AUP1: variants seen among roughly 807,000 people sequenced by gnomAD.
AUP1 encodes AUP1 lipid droplet regulating VLDL assembly factor, also known as lipid droplet-regulating VLDL assembly factor AUP1.
A neutral mutation model predicts 51.8 loss-of-function variants in AUP1; 30 were observed. That is an observed-to-expected ratio of 0.58 (90% CI 0.43 to 0.79). AUP1 has a LOEUF of 0.79. Ranked by LOEUF, AUP1 falls within the 30% of genes least tolerant of loss-of-function variation. The pLI is 0.00. For missense variants in AUP1, 492 were observed against 517.1 expected (o/e 0.95, Z 0.47); for synonymous variants, 227 against 209.0 (o/e 1.09, Z -0.74).
In AUP1 at chr2:74,526,676, G is replaced by A; in HGVS notation, c.*124C>T. On this transcript the variant is annotated 3_prime_UTR_variant, in exon 12 of 12. Coordinates refer to ENST00000377526, the MANE Select transcript of AUP1 (RefSeq NM_181575.5). Reference sequence around the variant, plus strand: ...CTTGAATGAAAACCATGAATTTAATGTGACATTGGGGGAGCCTCATCCTTC... The same window carrying A: ...CTTGAATGAAAACCATGAATTTAATATGACATTGGGGGAGCCTCATCCTTC... 2.5e-6 allele frequency: 3 copies of A among 1,183,060 alleles called. No individual in the cohort carries two copies. The highest frequency in any genetic ancestry group is 1.2e-6 in the Non-Finnish European group (1 of 847,066). 73.3% of individuals were successfully genotyped at this position (1,183,060 alleles called of 1,614,324 possible).
chr2:74,528,087 C>T (rs924604418), intron 6 of AUP1, 81 bp from the exon 7 acceptor site: 10 of 1,544,498 alleles, frequency 6.5e-6, no homozygotes, highest in Non-Finnish European at 8.9e-6. Context: ...TACCTCTTTG[C>T]ATGGTGGGTG....
At chr2:74,529,062 G>A (rs773679185) in intron 3 of AUP1, 70 bp downstream of exon 3, 1 of 1,610,912 alleles carries the variant, frequency 6.2e-7, no homozygotes, top group Non-Finnish European at 8.5e-7. Context: ...AACGCGAGTG[G>A]GGACAGGGGG....
chr2:74,529,633 T>C lies in AUP1; in HGVS notation c.-4A>G. 6.4e-7 allele frequency: 1 copy of C among 1,564,222 alleles called. No homozygotes were observed. Among genetic ancestry groups the C allele is most frequent in the Non-Finnish European group, 8.6e-7 (1 of 1,156,176 alleles). ...CCGGCCCTGAGGGAAGCTCCATAAC[T>C]GCTGCTTCAGGAGCGCCCGGCCGTC... On this transcript the variant is annotated 5_prime_UTR_variant, in exon 1 of 12. Transcript: ENST00000377526.
In AUP1 at chr2:74,527,190, A is replaced by T. The variant is rs565402906; in HGVS notation, c.1077+58T>A. Reference sequence around the variant, plus strand: ...AAAGAAAGGTCAGGGATAAGGGAGTACATAGCCTGCCCCCAACTCACCCCA... The same window carrying T: ...AAAGAAAGGTCAGGGATAAGGGAGTTCATAGCCTGCCCCCAACTCACCCCA... On this transcript the variant is annotated intron_variant, in intron 10 of 11. Transcript: ENST00000377526. 2.0e-4 allele frequency: 319 copies of T among 1,599,808 alleles called. No homozygotes were observed. The African/African-American group carries it at 4.0e-3, about 20-fold the overall frequency.
At chr2:74,528,220 G>A (rs1675292866) in intron 6 of AUP1, 28 bp downstream of exon 6, 3 of 1,603,830 alleles carry the variant, frequency 1.9e-6, no homozygotes, top group African/African-American at 1.3e-5. Context: ...CCTCTCCCCA[G>A]CGACCAAAAT....
At chr2:74,529,556 G>A (rs1190996047) in intron 1 of AUP1, 24 bp downstream of exon 1, 9 of 1,553,522 alleles carry the variant, frequency 5.8e-6, no homozygotes, top group Non-Finnish European at 7.9e-6. Context: ...GCGGGGATCG[G>A]TCTCTTCCCG....
Position 74,526,826 on chromosome 2 carries a change from C to G in AUP1, c.1207G>C (p.Glu403Gln). The G allele has an allele frequency of 6.4e-7, 1 of 1,557,576 alleles. No homozygotes were observed. Among genetic ancestry groups the G allele is most frequent in the Non-Finnish European group, 8.7e-7 (1 of 1,149,608 alleles). ...LYEYARRRFT[E>Q]RRAQEAD is the part of the protein sequence containing the mutation. ...CAGTCAGCCTCCTGGGCTCGTCTCTCTGTGAATCTCCTGTGGGACATAGGG... is the reference window on the plus strand; with the variant it reads ...CAGTCAGCCTCCTGGGCTCGTCTCTGTGTGAATCTCCTGTGGGACATAGGG... The change falls in exon 12 of 12, where the codon GAG (glutamate) becomes CAG (glutamine). Residue 403 changes from glutamate (E) to glutamine (Q), a missense_variant. By Grantham distance (29) the Glu-to-Gln change is conservative. Coordinates refer to ENST00000377526, the MANE Select transcript of AUP1 (RefSeq NM_181575.5).
intron 4 of AUP1, 123 bp downstream of exon 4, chr2:74,528,628 T>A: frequency 1.4e-6 from 2 of 1,402,472 alleles, no homozygotes; most frequent in Non-Finnish European, 2.0e-6. Context: ...GAACTTAAAG[T>A]GGACAGAAAG....
chr2:74,528,498 G>A lies in AUP1; in HGVS notation c.525-9C>T. 1 of 1,610,786 alleles carries A rather than the reference G, an allele frequency of 6.2e-7. No homozygotes were observed. Among genetic ancestry groups the A allele is most frequent in the Non-Finnish European group, 8.5e-7 (1 of 1,177,456 alleles). On this transcript the variant is annotated splice_polypyrimidine_tract_variant and intron_variant, in intron 4 of 11. Coordinates refer to ENST00000377526, the MANE Select transcript of AUP1 (RefSeq NM_181575.5). Reference sequence around the variant, plus strand: ...TAGAAAATGGCCAGGAACTAGAAGAGGAAGGAGAAAGTAGGATGGGAATCC... The same window carrying A: ...TAGAAAATGGCCAGGAACTAGAAGAAGAAGGAGAAAGTAGGATGGGAATCC...
Position 74,529,174 on chromosome 2 carries a change from A to C in AUP1, c.297T>G (p.Pro99=), listed in dbSNP as rs1335491248. 6.2e-7 allele frequency: 1 copy of C among 1,614,186 alleles called. No homozygotes were observed. Among genetic ancestry groups the C allele is most frequent in the East Asian group, 2.2e-5 (1 of 44,882 alleles). The change falls in exon 3 of 12, where the codon CCT becomes CCG. Residue 99 remains proline (P), a synonymous_variant. Transcript: ENST00000377526. ...GCAAATTGACTATGTTGTGGTCGAA[A>C]GGTGTCACATGGTTGGAAATGAGGA... ...VRVLISNHVT[P]FDHNIVNLLT...
At chr2:74,527,658 A>G (rs1675253700) in intron 8 of AUP1, 68 bp from the exon 9 acceptor site, 1 of 1,589,602 alleles carries the variant, frequency 6.3e-7, no homozygotes, top group Non-Finnish European at 8.5e-7. Flanking sequence ...GAGGCTAACT[A>G]GCACAGAAAT....
intron 6 of AUP1, 92 bp from the exon 7 acceptor site, chr2:74,528,098 G>T: frequency 6.6e-7 from 1 of 1,518,738 alleles, no homozygotes; most frequent in Non-Finnish European, 9.1e-7. Flanking sequence ...ATGGTGGGTG[G>T]GAAAATAGTA....
At position 74,528,889 on chromosome 2, in the gene AUP1, A is replaced by G. The variant is rs201602661; in HGVS notation, c.386T>C (p.Phe129Ser). The change falls in exon 4 of 12, where the codon TTC (phenylalanine) becomes TCC (serine). Residue 129 changes from phenylalanine (F) to serine (S), a missense_variant. Physicochemically the swap from Phe to Ser is radical, Grantham distance 155 (BLOSUM62 -2). Coordinates refer to ENST00000377526, the MANE Select transcript of AUP1 (RefSeq NM_181575.5). ...CTCCCCCCGCCCATTCATCTCCATG[A>G]AGCCCCGAGACCAGCACACAAAGCT... is the stretch of plus-strand genomic sequence containing the variant. ...PPSFVCWSRGFMEMNGRGELV... is the reference protein window; with the variant it reads ...PPSFVCWSRGSMEMNGRGELV... 6 of 1,614,068 alleles carry G rather than the reference A, an allele frequency of 3.7e-6. No homozygotes were observed. Among genetic ancestry groups the G allele is most frequent in the African/African-American group, 1.3e-5 (1 of 74,914 alleles).
rs767233879 is a variant in AUP1, at chr2:74,527,988, A to G, written c.690T>C (p.His230=). ...CCTCATTCGCTTCCCCTAGTTGGCG[A>G]TGAACAGGACGAAGCCACCTGCAAA... is the stretch of plus-strand genomic sequence containing the variant. ...VYQVRWLRPV[H]RQLGEANEEF... is the part of the protein sequence containing the mutation. Residue 230 remains histidine (H), a synonymous_variant, in exon 7 of 12, where the codon CAT becomes CAC. Coordinates refer to ENST00000377526, the MANE Select transcript of AUP1 (RefSeq NM_181575.5). 1.3e-5 allele frequency: 21 copies of G among 1,614,114 alleles called. No homozygotes were observed. The highest frequency in any genetic ancestry group is 1.7e-5 in the Non-Finnish European group (20 of 1,180,052).
Position 74,529,246 on chromosome 2 carries a change from G to C in AUP1, c.225C>G (p.Leu75=), listed in dbSNP as rs2104359750. 6.8e-6 allele frequency: 11 copies of C among 1,614,208 alleles called. No individual in the cohort carries two copies. The highest frequency in any genetic ancestry group is 9.3e-6 in the Non-Finnish European group (11 of 1,180,034). ...GTCCGGAGTCCTCCTGCCGGGCCACGAGCCCTAGCACCGCACACATGGTCC... is the reference window on the plus strand; with the variant it reads ...GTCCGGAGTCCTCCTGCCGGGCCACCAGCCCTAGCACCGCACACATGGTCC... ...VVRTMCAVLG[L]VARQEDSGLR... The change falls in exon 3 of 12, where the codon CTC becomes CTG. Residue 75 remains leucine, a synonymous_variant. Coordinates refer to ENST00000377526, the MANE Select transcript of AUP1 (RefSeq NM_181575.5).
intron 7 of AUP1, 50 bp from the exon 8 acceptor site, chr2:74,527,888 C>T (rs2104352472): frequency 6.2e-7 from 1 of 1,613,668 alleles, no homozygotes; most frequent in East Asian, 2.2e-5. Flanking sequence ...GCTTTCCTCC[C>T]TCTCCTCCTA....
intron 10 of AUP1, 30 bp from the exon 11 acceptor site, chr2:74,527,089 C>T (rs529752711): frequency 6.1e-5 from 99 of 1,613,916 alleles, no homozygotes; most frequent in Non-Finnish European, 7.8e-5. Context: ...AGAGGGCTTG[C>T]GGAGTCATCA....
At chr2:74,526,875 GTAGTAGCTCCATAATTCCA>G in intron 11 of AUP1, 39 bp from the exon 12 acceptor site, 1 of 1,602,798 alleles carries the variant, frequency 6.2e-7, no homozygotes, top group Non-Finnish European at 8.5e-7. Flanking sequence ...AGGCTTTGCC[GTAGTAGCTCCATAATTCCA>G]TTCTCCAATT....
intron 4 of AUP1, 63 bp from the exon 5 acceptor site, chr2:74,528,552 C>T (rs1675314603): frequency 1.4e-6 from 2 of 1,476,912 alleles, no homozygotes; most frequent in Non-Finnish European, 9.4e-7. Context: ...CTCACACCTG[C>T]CTTATAACAG....
Sources: allele counts gnomAD v4.1 joint callset, GRCh38; gene constraint gnomAD v4.1.1; transcripts MANE v1.5; gene names NCBI Gene and HGNC (gene_info 2026-07-23, HGNC 2026-07-21).